The following CHRM2 variants were observed in gnomAD, a reference collection of about 807,000 sequenced individuals.
CHRM2 encodes the protein cholinergic receptor muscarinic 2, also known as muscarinic acetylcholine receptor M2.
CHRM2 carries 8 observed loss-of-function variants against 25.0 expected under a neutral mutation model. The observed-to-expected ratio is 0.32, with a 90% confidence interval of 0.19 to 0.58. The LOEUF (loss-of-function observed/expected upper bound fraction) is 0.58, where lower values mean the gene tolerates loss of function less well. Among genes scored for constraint, CHRM2 ranks in the 20% least tolerant of loss-of-function variants. The pLI is 0.88. For missense variants in CHRM2, 440 were observed against 567.1 expected (o/e 0.78, Z 2.28); for synonymous variants, 202 against 205.7 (o/e 0.98, Z 0.15).
At chr7:136,994,519 T>C (rs1292343707) in intron 3 of CHRM2, among the ~76,000 whole-genome samples, 1 of 145,286 alleles carries the variant, frequency 6.9e-6, no homozygotes, top group Non-Finnish European at 1.5e-5. Flanking sequence ...TTTTTTTCTT[T>C]TCTTTTTTTT....
intron 2 of CHRM2, among the ~76,000 whole-genome samples, chr7:136,873,701 G>T (rs2130461071): frequency 2.0e-5 from 3 of 152,286 alleles, no homozygotes; most frequent in Admixed American, 2.0e-4. Context: ...ATAAATAGTT[G>T]TGGCACTTGT....
chr7:137,017,248 T>A lies in CHRM2; in HGVS notation c.*982T>A, dbSNP rs1400057477. 6.6e-6 allele frequency: 1 copy of A among 151,968 alleles called. No homozygotes were observed. The highest frequency in any genetic ancestry group is 1.5e-5 in the Non-Finnish European group (1 of 67,950). 9.4% of individuals were successfully genotyped at this position (151,968 alleles called of 1,614,324 possible). The stretch of plus-strand genomic sequence containing the variant: ...TAATGGACTATCTAGTTGGACCAAG[T>A]TTATTAAAGTCAGGTGAATTTTAAG... On this transcript the variant is annotated 3_prime_UTR_variant, in exon 4 of 4. Coordinates refer to ENST00000680005, the MANE Select transcript of CHRM2 (RefSeq NM_001006630.2).
intron 2 of CHRM2, among the ~76,000 whole-genome samples, chr7:136,882,469 T>A (rs572808754): frequency 5.9e-5 from 9 of 151,674 alleles, no homozygotes; most frequent in African/African-American, 1.9e-4. Context: ...CAGCATTTAA[T>A]TTGATGCCTG....
At chr7:136,912,128 T>C (rs554072952) in intron 2 of CHRM2, among the ~76,000 whole-genome samples, 3 of 152,038 alleles carry the variant, frequency 2.0e-5, no homozygotes, top group Non-Finnish European at 2.9e-5. Flanking sequence ...TAGGATTTTT[T>C]TTAATATCAT....
chr7:136,926,552 A>G (rs1205192471), intron 2 of CHRM2, among the ~76,000 whole-genome samples: 2 of 152,184 alleles, frequency 1.3e-5, no homozygotes, highest in Admixed American at 6.5e-5. Context: ...TACTCAGGTA[A>G]ATAAGTTAAA....
intron 2 of CHRM2, among the ~76,000 whole-genome samples, chr7:136,956,165 G>A (rs1281326715): frequency 1.3e-5 from 2 of 152,132 alleles, no homozygotes; most frequent in East Asian, 3.9e-4. Context: ...AAATAATTTT[G>A]AACAAGACAA....
chr7:136,937,220 C>G (rs2130801655), intron 2 of CHRM2, among the ~76,000 whole-genome samples: 1 of 152,252 alleles, frequency 6.6e-6, no homozygotes, highest in Non-Finnish European at 1.5e-5. Flanking sequence ...GTTATCCTTC[C>G]TGGTGACTTA....
Position 137,016,138 on chromosome 7 carries a change from G to A in CHRM2, c.1273G>A (p.Gly425Ser), listed in dbSNP as rs1805175350. Residue 425 changes from glycine (G) to serine (S), a missense_variant, in exon 4 of 4, where the codon GGT (glycine) becomes AGT (serine). Coordinates refer to ENST00000680005, the MANE Select transcript of CHRM2 (RefSeq NM_001006630.2). ...CATCCCCAACACTGTGTGGACAATT[G>A]GTTACTGGCTTTGTTACATCAACAG... ...PCIPNTVWTI[G>S]YWLCYINSTI... 1 of 1,612,842 alleles carries A rather than the reference G, an allele frequency of 6.2e-7. No individual in the cohort carries two copies. The highest frequency in any genetic ancestry group is 2.2e-5 in the East Asian group (1 of 44,802).
At chr7:136,992,491 G>T (rs892757675) in intron 3 of CHRM2, among the ~76,000 whole-genome samples, 5 of 152,092 alleles carry the variant, frequency 3.3e-5, no homozygotes, top group African/African-American at 7.2e-5. Context: ...TATTCACTAA[G>T]AACTATTTGT....
At position 136,892,457 on chromosome 7, in the gene CHRM2, A is replaced by G. The variant is rs563189406; in HGVS notation, c.-125+23039A>G. On this transcript the variant is annotated intron_variant, in intron 2 of 3. Transcript: ENST00000680005. ...GCAAACCAGTATACAAAGCTCAAGG[A>G]CAAGAAAAAAAAAATGATTCATGGG... Among the ~76,000 whole-genome samples, 25 of 151,300 alleles carry G rather than the reference A, an allele frequency of 1.7e-4. No homozygotes were observed. The East Asian group carries it at 4.8e-3, about 29-fold the overall frequency.
chr7:136,919,044 T>C (rs1335452465), intron 2 of CHRM2, among the ~76,000 whole-genome samples: 1 of 152,178 alleles, frequency 6.6e-6, no homozygotes, highest in Non-Finnish European at 1.5e-5. Context: ...AAGTGCAACG[T>C]GGCAGAAAAG....
chr7:136,998,038 T>C lies in CHRM2; in HGVS notation c.-47+5774T>C, dbSNP rs761143985. 2.5e-4 allele frequency among the ~76,000 whole-genome samples: 38 copies of C among 152,300 alleles called. 1 individual carries two copies. Among genetic ancestry groups the C allele is most frequent in the Non-Finnish European group, 4.7e-4 (32 of 68,032 alleles). ...CTTTGCTATGACATTGAAGAGAATATACAAATGAACTTGCCAAGTAAATTG... is the reference window on the plus strand; with the variant it reads ...CTTTGCTATGACATTGAAGAGAATACACAAATGAACTTGCCAAGTAAATTG... On this transcript the variant is annotated intron_variant, in intron 3 of 3. Transcript: ENST00000680005.
chr7:137,008,541 T>C (rs1179946068), intron 3 of CHRM2, among the ~76,000 whole-genome samples: 1 of 152,038 alleles, frequency 6.6e-6, no homozygotes. Flanking sequence ...TCACTGTTAC[T>C]TGCTAAGTGA....
Position 136,937,574 on chromosome 7 carries a change from T to C in CHRM2, c.-124-54613T>C, listed in dbSNP as rs575292954. On this transcript the variant is annotated intron_variant, in intron 2 of 3. Coordinates refer to ENST00000680005, the MANE Select transcript of CHRM2 (RefSeq NM_001006630.2). ...CACAGTAGAGTCAGAGCAGTTTGAA[T>C]TGATATTTGTGTCACTGTAAAAAAC... Among the ~76,000 whole-genome samples, 32 of 152,336 alleles carry C rather than the reference T, an allele frequency of 2.1e-4. No individual in the cohort carries two copies. The South Asian group carries it at 6.2e-3, about 30-fold the overall frequency.
At position 136,994,521 on chromosome 7, in the gene CHRM2, C is replaced by CTTTTTTTTTTTT. The variant is rs757243972; in HGVS notation, c.-47+2272_-47+2283dup. 4.2e-4 allele frequency among the ~76,000 whole-genome samples: 30 copies of CTTTTTTTTTTTT among 71,368 alleles called. 1 individual carries two copies. The highest frequency in any genetic ancestry group is 1.2e-3 in the East Asian group (3 of 2,508). The allele number at this position is 71,368 out of a possible 152,430, so 46.8% of individuals were successfully genotyped here. A position where few individuals can be genotyped will look rare whatever the true frequency, so the allele number is the denominator to read the frequency against. On this transcript the variant is annotated intron_variant, in intron 3 of 3. Transcript: ENST00000680005. ...GTGCTTTCTGCTCTTTTTTTCTTTT[C>CTTTTTTTTTTTT]TTTTTTTTTTTTTTTTTTTTTTTTT...
intron 2 of CHRM2, among the ~76,000 whole-genome samples, chr7:136,873,186 C>T (rs961185985): frequency 2.6e-4 from 40 of 152,342 alleles, no homozygotes; most frequent in African/African-American, 9.1e-4. Flanking sequence ...TGTACCCACT[C>T]TGTCCACCTT....
At chr7:136,887,132 G>T (rs1044178390) in intron 2 of CHRM2, among the ~76,000 whole-genome samples, 3 of 152,142 alleles carry the variant, frequency 2.0e-5, no homozygotes, top group Non-Finnish European at 2.9e-5. Flanking sequence ...TGCCATAGGG[G>T]CAGTGAGACT....
rs529335854 is a variant in CHRM2 at position 136,904,685 on chromosome 7, CTTCT to C, written c.-125+35270_-125+35273del. Among the ~76,000 whole-genome samples the C allele has an allele frequency of 5.6e-3, 855 of 151,644 alleles. 5 individuals carry two copies. The highest frequency in any genetic ancestry group is 0.02 in the African/African-American group (812 of 41,282). ...TCTGCATTATAAAATTTTGATACTT[CTTCT>C]TTAATATTGGGAACATTTATAGCTA... On this transcript the variant is annotated intron_variant, in intron 2 of 3. Coordinates refer to ENST00000680005, the MANE Select transcript of CHRM2 (RefSeq NM_001006630.2).
chr7:136,922,438 T>G (rs890821323), intron 2 of CHRM2, among the ~76,000 whole-genome samples: 1 of 152,220 alleles, frequency 6.6e-6, no homozygotes, highest in African/African-American at 2.4e-5. Flanking sequence ...GGCTTAAAGC[T>G]TCTTGTACTT....
Sources: allele counts gnomAD v4.1 joint callset (sites outside exome capture counted in the v4.1 genomes callset), GRCh38; gene constraint gnomAD v4.1.1; transcripts MANE v1.5; gene names NCBI Gene and HGNC (gene_info 2026-07-23, HGNC 2026-07-21).